Variants in SUCLG2 observed in about 807,000 individuals in gnomAD.
The protein encoded by SUCLG2 is succinate-CoA ligase GDP-forming subunit beta.
Under a neutral mutation model 47.9 loss-of-function variants are expected in SUCLG2, and 42 were observed. That is an observed-to-expected ratio of 0.88 (90% confidence interval 0.69 to 1.14). The LOEUF (loss-of-function observed/expected upper bound fraction) is 1.14. SUCLG2 is among the 50% of genes most tolerant of loss of function. The probability of loss-of-function intolerance (pLI) is 0.00; values close to 1 mark genes in which losing one functional copy is unlikely to be tolerated. For missense variants in SUCLG2, 571 were observed against 525.9 expected (o/e 1.09, Z -0.84); for synonymous variants, 195 against 197.3 (o/e 0.99, Z 0.10).
At chr3:67,437,951 G>C (rs1703665399) in intron 9 of SUCLG2, among the ~76,000 whole-genome samples, 1 of 152,110 alleles carries the variant, frequency 6.6e-6, no homozygotes, top group Admixed American at 6.6e-5. Context: ...CTTGGAGTAT[G>C]GGTAGGCTTA....
At chr3:67,549,228 G>A (rs919978591) in intron 2 of SUCLG2, among the ~76,000 whole-genome samples, 1 of 152,120 alleles carries the variant, frequency 6.6e-6, no homozygotes, top group African/African-American at 2.4e-5. Context: ...GAAAAGCCAG[G>A]ATGATACCTG....
At chr3:67,376,421 C>G in intron 10 of SUCLG2, 1 of 985,418 alleles carries the variant, frequency 1.0e-6, no homozygotes. Context: ...GGAGTATCTT[C>G]TGGCCAAGTC....
At chr3:67,488,641 A>G (rs914587016) in intron 9 of SUCLG2, among the ~76,000 whole-genome samples, 1 of 152,218 alleles carries the variant, frequency 6.6e-6, no homozygotes, top group South Asian at 2.1e-4. Context: ...CTTAAGATGC[A>G]GAGATTCTTG....
chr3:67,518,442 G>A, intron 5 of SUCLG2, 106 bp from the exon 6 acceptor site: 1 of 1,034,808 alleles, frequency 9.7e-7, no homozygotes, highest in African/African-American at 1.6e-5. Context: ...TAATTAAAGT[G>A]TGGCATCTAT....
At chr3:67,481,330 C>T (rs1035260703) in intron 9 of SUCLG2, among the ~76,000 whole-genome samples, 1 of 152,220 alleles carries the variant, frequency 6.6e-6, no homozygotes, top group African/African-American at 2.4e-5. Flanking sequence ...CATTACTGCT[C>T]TAGACCACGT....
At chr3:67,630,901 T>C (rs1015638893) in intron 1 of SUCLG2, among the ~76,000 whole-genome samples, 1 of 152,256 alleles carries the variant, frequency 6.6e-6, no homozygotes, top group Non-Finnish European at 1.5e-5. Flanking sequence ...TGCCTGCCCC[T>C]TTATGTACTG....
chr3:67,616,553 T>A (rs2167179), intron 1 of SUCLG2, among the ~76,000 whole-genome samples: 70,338 of 151,764 alleles, frequency 0.46, 16,740 homozygotes, highest in African/African-American at 0.56. Context: ...TTTAAAAAAA[T>A]TTTTTTAATA....
At position 67,528,855 on chromosome 3, in the gene SUCLG2, T is replaced by C. The variant is rs79883374; in HGVS notation, c.326+232A>G. Among the ~76,000 whole-genome samples, 696 of 152,302 alleles carry C rather than the reference T, an allele frequency of 4.6e-3. 8 individuals carry two copies. The East Asian group carries it at 0.054, about 12-fold the overall frequency. ...CATTTATGATGAATCATTGATTGTT[T>C]AGGACAGAAGGACTGTCAAGTTTTC... On this transcript the variant is annotated intron_variant, in intron 3 of 10. Coordinates refer to ENST00000307227, the MANE Select transcript of SUCLG2 (RefSeq NM_003848.4).
intron 9 of SUCLG2, among the ~76,000 whole-genome samples, chr3:67,472,403 T>C (rs1018049905): frequency 6.6e-6 from 1 of 152,234 alleles, no homozygotes; most frequent in African/African-American, 2.4e-5. Context: ...CATAGACATA[T>C]TACATGATAT....
chr3:67,504,408 G>T (rs1277909049), intron 7 of SUCLG2, among the ~76,000 whole-genome samples: 8 of 152,184 alleles, frequency 5.3e-5, no homozygotes, highest in Admixed American at 5.2e-4. Flanking sequence ...AAGAAAGAAA[G>T]GAATTTGATG....
intron 4 of SUCLG2, among the ~76,000 whole-genome samples, chr3:67,527,081 C>T (rs1706275031): frequency 6.6e-6 from 1 of 152,190 alleles, no homozygotes; most frequent in African/African-American, 2.4e-5. Context: ...TATACACCTA[C>T]TATGTACCCA....
At chr3:67,625,930 G>C (rs1575826415) in intron 1 of SUCLG2, among the ~76,000 whole-genome samples, 1 of 152,138 alleles carries the variant, frequency 6.6e-6, no homozygotes, top group Admixed American at 6.5e-5. Flanking sequence ...ATGGTAAGCA[G>C]ATAAGAACTA....
intron 2 of SUCLG2, among the ~76,000 whole-genome samples, chr3:67,600,827 G>A (rs1369107558): frequency 6.6e-6 from 1 of 152,182 alleles, no homozygotes; most frequent in African/African-American, 2.4e-5. Context: ...ATGTGTGGAA[G>A]ACAGCAGAGT....
chr3:67,574,885 G>A (rs1707704660), intron 2 of SUCLG2, among the ~76,000 whole-genome samples: 1 of 152,022 alleles, frequency 6.6e-6, no homozygotes, highest in Non-Finnish European at 1.5e-5. Context: ...TCAAAAAATG[G>A]GCAAACTATA....
At chr3:67,503,881 G>A (rs868266228) in intron 7 of SUCLG2, among the ~76,000 whole-genome samples, 18 of 152,070 alleles carry the variant, frequency 1.2e-4, no homozygotes, top group African/African-American at 4.3e-4. Flanking sequence ...CAACAATCTC[G>A]ATAGAAAACA....
At chr3:67,625,276 A>G (rs74816918) in intron 1 of SUCLG2, among the ~76,000 whole-genome samples, 2,264 of 152,324 alleles carry the variant, frequency 0.015, 66 homozygotes, top group African/African-American at 0.051. Flanking sequence ...TCACCCTGCC[A>G]TTTATTCACA....
At position 67,603,082 on chromosome 3, in the gene SUCLG2, T is replaced by C. The variant is rs184972466; in HGVS notation, c.226+6373A>G. Reference sequence around the variant, plus strand: ...GCTTCAACCTCTCATGGACCACATATGCCATTACCCTAGGAGCAGCTTTAT... The same window carrying C: ...GCTTCAACCTCTCATGGACCACATACGCCATTACCCTAGGAGCAGCTTTAT... On this transcript the variant is annotated intron_variant, in intron 2 of 10. Coordinates refer to ENST00000307227, the MANE Select transcript of SUCLG2 (RefSeq NM_003848.4). 3.3e-3 allele frequency among the ~76,000 whole-genome samples: 507 copies of C among 152,300 alleles called. 2 individuals are homozygous for C. The highest frequency in any genetic ancestry group is 0.012 in the African/African-American group (483 of 41,576).
At chr3:67,417,617 T>C (rs1180133616) in intron 9 of SUCLG2, among the ~76,000 whole-genome samples, 5 of 152,082 alleles carry the variant, frequency 3.3e-5, no homozygotes, top group Non-Finnish European at 7.3e-5. Flanking sequence ...ACGTAGACAA[T>C]AATAGTTGGT....
At chr3:67,365,755 G>C (rs977236623) in intron 10 of SUCLG2, among the ~76,000 whole-genome samples, 1 of 152,136 alleles carries the variant, frequency 6.6e-6, no homozygotes, top group African/African-American at 2.4e-5. Flanking sequence ...GCACATTTAA[G>C]AGAACTTAAG....
Sources: allele counts gnomAD v4.1 joint callset (sites outside exome capture counted in the v4.1 genomes callset), GRCh38; gene constraint gnomAD v4.1.1; transcripts MANE v1.5; gene names NCBI Gene and HGNC (gene_info 2026-07-23, HGNC 2026-07-21).